MARCHF1: variants seen among roughly 807,000 people sequenced by gnomAD.
MARCHF1 encodes the protein membrane associated ring-CH-type finger 1.
MARCHF1 carries 40 observed loss-of-function variants against 54.2 expected under a neutral mutation model. That is an observed-to-expected ratio of 0.74 (90% CI 0.57 to 0.96). The LOEUF (loss-of-function observed/expected upper bound fraction) is 0.96, where lower values mean the gene tolerates loss of function less well. MARCHF1 is among the 40% of genes least tolerant of loss of function. The pLI is 0.00. For missense variants in MARCHF1, 586 were observed against 656.5 expected, an observed-to-expected ratio of 0.89 and a Z score of 1.17; for synonymous variants, 236 against 236.3, an observed-to-expected ratio of 1.00 and a Z score of 0.01.
At chr4:164,368,033 CAAAAA>C (rs965073840) in intron 1 of MARCHF1, among the ~76,000 whole-genome samples, 1 of 104,610 alleles carries the variant, frequency 9.6e-6, no homozygotes, top group Non-Finnish European at 2.1e-5. Flanking sequence ...GAATTCAACA[CAAAAA>C]AAAGATTTAA....
intron 4 of MARCHF1, among the ~76,000 whole-genome samples, chr4:163,770,178 T>A (rs1747113562): frequency 6.6e-6 from 1 of 152,154 alleles, no homozygotes; most frequent in African/African-American, 2.4e-5. Flanking sequence ...AACAATAGGC[T>A]ATTGGTAGGG....
intron 2 of MARCHF1, among the ~76,000 whole-genome samples, chr4:164,098,350 G>C (rs777917890): frequency 3.3e-5 from 5 of 152,186 alleles, no homozygotes; most frequent in Non-Finnish European, 7.3e-5. Context: ...GGACAGGTAT[G>C]TTAGGAAGAC....
rs1046159440 is a variant in MARCHF1 at position 163,987,569 on chromosome 4, GA to G, written c.-39+931del. 2.0e-5 allele frequency among the ~76,000 whole-genome samples: 3 copies of G among 151,402 alleles called. 1 individual carries two copies. The East Asian group carries it at 5.8e-4, about 29-fold the overall frequency. On this transcript the variant is annotated intron_variant, in intron 3 of 9. Coordinates refer to ENST00000514618, the MANE Select transcript of MARCHF1 (RefSeq NM_001394959.1). Reference sequence around the variant, plus strand: ...CTGTCTCCAGCAGCTATTCTTGAGGGAAAAAAAAGGTTAACATGTAGAACTG... The same window carrying G: ...CTGTCTCCAGCAGCTATTCTTGAGGGAAAAAAAGGTTAACATGTAGAACTG...
intron 1 of MARCHF1, among the ~76,000 whole-genome samples, chr4:164,208,755 G>C (rs1379202552): frequency 6.6e-6 from 1 of 152,126 alleles, no homozygotes; most frequent in Non-Finnish European, 1.5e-5. Context: ...AGAACAGCCT[G>C]GGCAACATGG....
chr4:164,273,038 C>G (rs1348209232), intron 1 of MARCHF1, among the ~76,000 whole-genome samples: 1 of 151,354 alleles, frequency 6.6e-6, no homozygotes, highest in African/African-American at 2.4e-5. Flanking sequence ...ATATTAGCTC[C>G]TATGTTAGTA....
chr4:164,057,381 G>T (rs890382703), intron 2 of MARCHF1, among the ~76,000 whole-genome samples: 1 of 152,040 alleles, frequency 6.6e-6, no homozygotes, highest in African/African-American at 2.4e-5. Context: ...TCTTATTCTT[G>T]GTAACACATA....
intron 9 of MARCHF1, among the ~76,000 whole-genome samples, chr4:163,531,172 A>G (rs1358788254): frequency 6.6e-6 from 1 of 151,904 alleles, no homozygotes; most frequent in African/African-American, 2.4e-5. Context: ...CGGCAAAGAC[A>G]ATTACTATGA....
At chr4:164,088,738 C>T (rs2111127797) in intron 2 of MARCHF1, among the ~76,000 whole-genome samples, 1 of 151,946 alleles carries the variant, frequency 6.6e-6, no homozygotes, top group East Asian at 1.9e-4. Flanking sequence ...GTCTCTACCT[C>T]AGAAAAATTA....
intron 4 of MARCHF1, among the ~76,000 whole-genome samples, chr4:163,795,463 C>T (rs1384474179): frequency 6.6e-6 from 1 of 152,202 alleles, no homozygotes; most frequent in Admixed American, 6.5e-5. Context: ...CTCCCAGCCT[C>T]AGGCAATCCA....
intron 3 of MARCHF1, among the ~76,000 whole-genome samples, chr4:163,883,755 T>C (rs900854913): frequency 1.3e-5 from 2 of 151,894 alleles, no homozygotes; most frequent in African/African-American, 4.9e-5. Flanking sequence ...TGTAACTGGG[T>C]GTCTTGTATT....
chr4:164,147,786 A>G (rs1729800382), intron 1 of MARCHF1, among the ~76,000 whole-genome samples: 1 of 150,424 alleles, frequency 6.6e-6, no homozygotes, highest in South Asian at 2.1e-4. Flanking sequence ...ACTAACCTGC[A>G]CATTGTGCAC....
At chr4:163,909,174 T>G (rs916519276) in intron 3 of MARCHF1, among the ~76,000 whole-genome samples, 1 of 152,180 alleles carries the variant, frequency 6.6e-6, no homozygotes, top group African/African-American at 2.4e-5. Flanking sequence ...TGGATTAACT[T>G]AATTTAATTT....
chr4:164,132,338 T>G (rs898866816), intron 1 of MARCHF1, among the ~76,000 whole-genome samples: 1 of 152,174 alleles, frequency 6.6e-6, no homozygotes, highest in Non-Finnish European at 1.5e-5. Context: ...CTATTCCAAA[T>G]TTGTGATTTT....
rs1008693859 is a variant in MARCHF1 at position 164,003,896 on chromosome 4, A to T, written c.-247-15187T>A. Reference sequence around the variant, plus strand: ...AACATGGAATCAACCCAAATGCCCCACAATGATAGACTGGATGAAGAAAAC... The same window carrying T: ...AACATGGAATCAACCCAAATGCCCCTCAATGATAGACTGGATGAAGAAAAC... On this transcript the variant is annotated intron_variant, in intron 2 of 9. Coordinates refer to ENST00000514618, the MANE Select transcript of MARCHF1 (RefSeq NM_001394959.1). Among the ~76,000 whole-genome samples the T allele has an allele frequency of 7.9e-5, 12 of 152,216 alleles. 3 individuals carry two copies.
intron 2 of MARCHF1, among the ~76,000 whole-genome samples, chr4:163,990,393 A>G (rs968816790): frequency 6.6e-6 from 1 of 152,204 alleles, no homozygotes; most frequent in Non-Finnish European, 1.5e-5. Context: ...GATACAAACC[A>G]ATTTTGAGAA....
chr4:164,155,249 TC>T (rs1354557669), intron 1 of MARCHF1, among the ~76,000 whole-genome samples: 1 of 152,190 alleles, frequency 6.6e-6, no homozygotes, highest in Admixed American at 6.5e-5. Context: ...GGAACCACTC[TC>T]TTCTACCTAG....
chr4:164,269,382 G>A (rs1487651462), intron 1 of MARCHF1, among the ~76,000 whole-genome samples: 8 of 151,784 alleles, frequency 5.3e-5, no homozygotes, highest in Admixed American at 5.3e-4. Context: ...GGCTGTTTCT[G>A]CCAGTAAGTT....
At chr4:163,560,779 C>T (rs72989857) in intron 8 of MARCHF1, among the ~76,000 whole-genome samples, 4,390 of 152,152 alleles carry the variant, frequency 0.029, 182 homozygotes, top group African/African-American at 0.097. Flanking sequence ...AATTTAAATG[C>T]TATTGCAAAT....
At chr4:163,659,593 A>C (rs1561003439) in intron 5 of MARCHF1, among the ~76,000 whole-genome samples, 1 of 152,130 alleles carries the variant, frequency 6.6e-6, no homozygotes, top group Non-Finnish European at 1.5e-5. Context: ...CAGCAAAGGA[A>C]ACTATCATGA....
Sources: gnomAD v4.1 joint callset for allele counts (sites outside exome capture counted in the v4.1 genomes callset) on GRCh38, gnomAD v4.1.1 for gene constraint, MANE v1.5 for transcripts, NCBI Gene and HGNC (gene_info 2026-07-23, HGNC 2026-07-21) for gene names.